LYST: variants seen among roughly 807,000 people sequenced by gnomAD.
The protein encoded by LYST is lysosomal-trafficking regulator.
LYST carries 192 observed loss-of-function variants against 413.6 expected under a neutral mutation model. That is an observed-to-expected ratio of 0.46 (90% CI 0.41 to 0.52). The LOEUF (loss-of-function observed/expected upper bound fraction) is 0.52. Ranked by LOEUF, LYST falls within the 20% of genes least tolerant of loss-of-function variation. The pLI is 0.00. For synonymous variants in LYST, 1,525 were observed against 1,567.3 expected, an observed-to-expected ratio of 0.97 and a Z score of 0.64; for missense variants, 3,815 against 4,499.9, an observed-to-expected ratio of 0.85 and a Z score of 4.35.
rs770085753 is a variant in LYST at position 235,759,167 on chromosome 1, T to C, written c.6686A>G (p.Tyr2229Cys). 4 of 1,614,176 alleles carry C rather than the reference T, an allele frequency of 2.5e-6. No homozygotes were observed. Among genetic ancestry groups the C allele is most frequent in the Non-Finnish European group, 3.4e-6 (4 of 1,180,018 alleles). Residue 2229 changes from tyrosine (Y) to cysteine (C), a missense_variant, in exon 23 of 53, where the codon TAC (tyrosine) becomes TGC (cysteine). By Grantham distance (194) the Tyr-to-Cys change is radical. Coordinates refer to ENST00000389793, the MANE Select transcript of LYST (RefSeq NM_000081.4). ...GDESCPRRPD[Y>C]LKGLASFQRS... The stretch of plus-strand genomic sequence containing the variant: ...CTGGAAGGAGGCCAATCCCTTTAGG[T>C]AATCAGGTCGGCGTGGGCAGGACTC...
intron 14 of LYST, among the ~76,000 whole-genome samples, chr1:235,784,933 A>G (rs911306642): frequency 1.3e-5 from 2 of 152,166 alleles, no homozygotes; most frequent in African/African-American, 2.4e-5. Flanking sequence ...TCAATTACGT[A>G]TTTTTACATT....
Position 235,757,410 on chromosome 1 carries a change from G to A in LYST, c.6930C>T (p.Leu2310=). The A allele has an allele frequency of 6.2e-7, 1 of 1,613,508 alleles. No individual in the cohort carries two copies. The highest frequency in any genetic ancestry group is 8.5e-7 in the Non-Finnish European group (1 of 1,179,756). The part of the protein sequence containing the change: ...LVPICCGLYE[L]LSGVLLILPD... The stretch of plus-strand genomic sequence containing the variant: ...GCAGGATAAGAAGAACCCCACTTAG[G>A]AGTTCATATAATCCACAGCATATAG... Residue 2310 remains leucine, a synonymous_variant, in exon 24 of 53, where the codon CTC becomes CTT. Transcript: ENST00000389793.
intron 36 of LYST, among the ~76,000 whole-genome samples, chr1:235,730,056 T>C (rs1312362370): frequency 6.6e-6 from 1 of 151,842 alleles, no homozygotes; most frequent in South Asian, 2.1e-4. Context: ...TATACTATTA[T>C]TGTATTATTT....
chr1:235,879,388 C>T (rs905092893), intron 1 of LYST, among the ~76,000 whole-genome samples: 47 of 152,194 alleles, frequency 3.1e-4, no homozygotes, highest in African/African-American at 1.1e-3. Flanking sequence ...AAGCAGGGAG[C>T]ATATGGCGGG....
At chr1:235,799,874 T>C (rs1672005247) in intron 10 of LYST, among the ~76,000 whole-genome samples, 1 of 133,888 alleles carries the variant, frequency 7.5e-6, no homozygotes, top group Non-Finnish European at 1.6e-5. Context: ...ACAAACGAGA[T>C]AATGCATATA....
chr1:235,863,804 A>G (rs1023057148), intron 1 of LYST, among the ~76,000 whole-genome samples: 2 of 152,238 alleles, frequency 1.3e-5, no homozygotes, highest in African/African-American at 4.8e-5. Flanking sequence ...ACTTGTGTTT[A>G]CTACTAATAA....
At chr1:235,846,129 C>T (rs536043538) in intron 1 of LYST, among the ~76,000 whole-genome samples, 1 of 152,178 alleles carries the variant, frequency 6.6e-6, no homozygotes, top group Non-Finnish European at 1.5e-5. Context: ...CTGCACCCTC[C>T]ACCACCTGCA....
chr1:235,763,228 T>C (rs757504813), intron 21 of LYST, among the ~76,000 whole-genome samples: 5 of 152,250 alleles, frequency 3.3e-5, no homozygotes, highest in Non-Finnish European at 5.9e-5. Flanking sequence ...CTTCAGTGTC[T>C]AATATTTGTA....
At chr1:235,871,830 C>T (rs868090134), upstream of LYST, among the ~76,000 whole-genome samples, 2 of 152,166 alleles carry the variant, frequency 1.3e-5, no homozygotes, top group East Asian at 1.9e-4. Context: ...ATCCCTTTTC[C>T]GGTGACAGTA....
chr1:235,791,615 A>G (rs1671002307), intron 12 of LYST, 84 bp downstream of exon 12: 2 of 1,135,602 alleles, frequency 1.8e-6, no homozygotes, highest in South Asian at 1.2e-5. Context: ...AGTGTTAAGA[A>G]CACTACCACA....
chr1:235,834,833 C>T (rs912016481), intron 1 of LYST, among the ~76,000 whole-genome samples: 3 of 152,140 alleles, frequency 2.0e-5, no homozygotes, highest in African/African-American at 7.2e-5. Flanking sequence ...ATCAACGGCT[C>T]AACCAAGTGG....
Position 235,806,771 on chromosome 1 carries a change from C to T in LYST, c.2365G>A (p.Val789Ile). 4 of 1,603,054 alleles carry T rather than the reference C, an allele frequency of 2.5e-6. No homozygotes were observed. The highest frequency in any genetic ancestry group is 3.4e-6 in the Non-Finnish European group (4 of 1,170,650). ...CAACTCAAAAACAAATCTCTTATTA[C>T]CCTGTGAAAGAAAAAAAGCATGTAA... ...KTLPILLKSRVIRDLFLSCNG... is the reference protein window; with the variant it reads ...KTLPILLKSRIIRDLFLSCNG... The change falls in exon 6 of 53, where the codon GTA (valine) becomes ATA (isoleucine). Residue 789 changes from valine to isoleucine, a missense_variant and splice_region_variant. By Grantham distance (29) the Val-to-Ile change is conservative. This residue lies in a region of LYST where 1,648 missense variants were observed against 1,810.3 expected (regional missense o/e 0.91). Transcript: ENST00000389793.
At chr1:235,821,321 CA>C (rs1674725480) in intron 3 of LYST, among the ~76,000 whole-genome samples, 1 of 152,270 alleles carries the variant, frequency 6.6e-6, no homozygotes, top group East Asian at 1.9e-4. Context: ...CCTGTAATCA[CA>C]GCTATTTGGG....
At chr1:235,768,825 A>G (rs1668384069) in intron 20 of LYST, among the ~76,000 whole-genome samples, 1 of 152,104 alleles carries the variant, frequency 6.6e-6, no homozygotes, top group Non-Finnish European at 1.5e-5. Flanking sequence ...TGTATAAATG[A>G]TGCATAAAAC....
chr1:235,791,908 T>C lies in LYST; in HGVS notation c.4334A>G (p.His1445Arg), dbSNP rs1436110321. The part of the protein sequence containing the change: ...KKEADRESFP[H>R]RLLSSWHIAP... ...TATGTGCCAAGATGAAAGCAGCCGATGGGGAAAACTCTCTCTATCAGCCTC... is the reference window on the plus strand; with the variant it reads ...TATGTGCCAAGATGAAAGCAGCCGACGGGGAAAACTCTCTCTATCAGCCTC... The change falls in exon 12 of 53, where the codon CAT becomes CGT. Residue 1445 changes from histidine to arginine, a missense_variant. His to Arg is a conservative substitution (Grantham distance 29). This residue lies in a region of LYST where 1,648 missense variants were observed against 1,810.3 expected (regional missense o/e 0.91). Coordinates refer to ENST00000389793, the MANE Select transcript of LYST (RefSeq NM_000081.4). The C allele has an allele frequency of 5.0e-6, 8 of 1,614,120 alleles. No homozygotes were observed. Among genetic ancestry groups the C allele is most frequent in the South Asian group, 4.4e-5 (4 of 91,092 alleles).
chr1:235,800,117 T>A (rs1031984777), intron 10 of LYST, among the ~76,000 whole-genome samples: 2 of 151,334 alleles, frequency 1.3e-5, no homozygotes, highest in African/African-American at 4.9e-5. Flanking sequence ...CCACCACACC[T>A]GGCTAATTTT....
chr1:235,759,444 C>G lies in LYST; in HGVS notation c.6409G>C (p.Asp2137His). The change falls in exon 23 of 53, where the codon GAT (aspartate) becomes CAT (histidine). Residue 2137 changes from aspartate (D) to histidine (H), a missense_variant. Coordinates refer to ENST00000389793, the MANE Select transcript of LYST (RefSeq NM_000081.4). ...CSIDRLQNIADTYVATQSKKQ... is the reference protein window; with the variant it reads ...CSIDRLQNIAHTYVATQSKKQ... Reference sequence around the variant, plus strand: ...TTTGATTGGGTGGCAACATAAGTATCTGCAATATTTTGTAACCTGTCGATA... The same window carrying G: ...TTTGATTGGGTGGCAACATAAGTATGTGCAATATTTTGTAACCTGTCGATA... 6.2e-7 allele frequency: 1 copy of G among 1,614,120 alleles called. No individual in the cohort carries two copies. The highest frequency in any genetic ancestry group is 1.3e-5 in the African/African-American group (1 of 75,042).
chr1:235,810,645 A>T, intron 4 of LYST, 111 bp from the exon 5 acceptor site: 1 of 985,374 alleles, frequency 1.0e-6, no homozygotes. Context: ...TTTATCCTCA[A>T]TGTATTTTGC....
rs1193141538 is a variant in LYST at position 235,661,881 on chromosome 1, G to A, written c.*1059C>T. ...TGTCTTTATGGTATGTAAGTTTGCT[G>A]TGGAATACACGAGATTTTATTATTC... On this transcript the variant is annotated 3_prime_UTR_variant, in exon 53 of 53. Transcript: ENST00000389793. The A allele has an allele frequency of 6.6e-6, 1 of 152,562 alleles. No homozygotes were observed. The highest frequency in any genetic ancestry group is 1.5e-5 in the Non-Finnish European group (1 of 68,038). 9.5% of individuals were successfully genotyped at this position (152,562 alleles called of 1,614,324 possible). A position where few individuals can be genotyped will look rare whatever the true frequency, so the allele number is the denominator to read the frequency against.
Sources: gnomAD v4.1 joint callset for allele counts (sites outside exome capture counted in the v4.1 genomes callset) on GRCh38, gnomAD v4.1.1 for gene constraint, gnomAD v4.1.1 regional missense constraint, MANE v1.5 for transcripts, NCBI Gene and HGNC (gene_info 2026-07-23, HGNC 2026-07-21) for gene names.